Variants in SEC24B observed in about 807,000 individuals in gnomAD.
SEC24B encodes protein transport protein Sec24B.
Under a neutral mutation model 142.8 loss-of-function variants are expected in SEC24B, and 45 were observed. That is an observed-to-expected ratio of 0.32 (90% confidence interval 0.25 to 0.40). The LOEUF (loss-of-function observed/expected upper bound fraction) is 0.40. Ranked by LOEUF, SEC24B falls within the 10% of genes least tolerant of loss-of-function variation. The probability of loss-of-function intolerance (pLI) is 1.00; values close to 1 mark genes in which losing one functional copy is unlikely to be tolerated. For missense variants in SEC24B, 1,409 were observed against 1,526.8 expected (o/e 0.92, Z 1.29); for synonymous variants, 574 against 568.2 (o/e 1.01, Z -0.15).
intron 1 of SEC24B, among the ~76,000 whole-genome samples, chr4:109,436,094 TGAAA>T (rs1728385570): frequency 6.6e-6 from 1 of 152,152 alleles, no homozygotes; most frequent in African/African-American, 2.4e-5. Flanking sequence ...CTAGGAAATT[TGAAA>T]GTTATGGTAA....
intron 6 of SEC24B, among the ~76,000 whole-genome samples, chr4:109,505,847 C>T (rs1275276497): frequency 6.6e-6 from 1 of 152,130 alleles, no homozygotes; most frequent in African/African-American, 2.4e-5. Context: ...GTTTGAACAT[C>T]ATAAGAATAA....
Position 109,481,769 on chromosome 4 carries a change from G to A in SEC24B, c.1153G>A (p.Asp385Asn). The change falls in exon 4 of 24, where the codon GAT (aspartate) becomes AAT (asparagine). Residue 385 changes from aspartate (D) to asparagine (N), a missense_variant. Transcript: ENST00000265175. ...TSDDEEEEEE[D>N]EEAGVDSSST... ...CGATGATGAGGAAGAGGAGGAGGAG[G>A]ATGAGGAAGCAGGTCTGCTTTAGCT... is the stretch of plus-strand genomic sequence containing the variant. 1.2e-6 allele frequency: 2 copies of A among 1,613,514 alleles called. No individual in the cohort carries two copies. Among genetic ancestry groups the A allele is most frequent in the Non-Finnish European group, 1.7e-6 (2 of 1,179,580 alleles).
chr4:109,458,973 C>T (rs1399588219), intron 1 of SEC24B, among the ~76,000 whole-genome samples: 1 of 151,690 alleles, frequency 6.6e-6, no homozygotes, highest in East Asian at 1.9e-4. Context: ...ATTAAAATAC[C>T]AGCAGTCTTT....
At chr4:109,524,106 A>G (rs1211155770) in intron 14 of SEC24B, among the ~76,000 whole-genome samples, 4 of 152,074 alleles carry the variant, frequency 2.6e-5, no homozygotes, top group African/African-American at 9.7e-5. Context: ...TATTTACTGA[A>G]TCCTTTGATA....
intron 6 of SEC24B, among the ~76,000 whole-genome samples, chr4:109,504,475 A>G (rs1348227055): frequency 6.6e-6 from 1 of 151,918 alleles, no homozygotes; most frequent in African/African-American, 2.4e-5. Context: ...AATGTCCCTC[A>G]TTCTGAATTT....
intron 10 of SEC24B, among the ~76,000 whole-genome samples, chr4:109,515,113 A>G (rs543933638): frequency 1.3e-5 from 2 of 151,674 alleles, no homozygotes; most frequent in African/African-American, 4.8e-5. Context: ...TTATTTATTT[A>G]TTTTTGAGAT....
At chr4:109,511,319 A>C (rs562896976) in intron 8 of SEC24B, among the ~76,000 whole-genome samples, 1 of 152,124 alleles carries the variant, frequency 6.6e-6, no homozygotes, top group Non-Finnish European at 1.5e-5. Flanking sequence ...TTACTTGCAT[A>C]ATAATAATCA....
At chr4:109,453,392 C>T (rs928572739) in intron 1 of SEC24B, among the ~76,000 whole-genome samples, 6 of 147,794 alleles carry the variant, frequency 4.1e-5, no homozygotes, top group Non-Finnish European at 3.0e-5. Flanking sequence ...TGTTTCATCC[C>T]TTATCTGCAA....
chr4:109,449,396 CT>C (rs74494967), intron 1 of SEC24B: 24,640 of 297,528 alleles, frequency 0.083, 54 homozygotes, highest in South Asian at 0.11. Flanking sequence ...GCTAATTTTT[CT>C]TTTTTTTTTT....
rs1279336801 is a variant in SEC24B at position 109,540,509 on chromosome 4, TTGG to T, written c.*838_*840del. ...TTGTTTGATTGGTTTTTTGTGGGGA[TTGG>T]TGGGTTTTTTTACATACAGGATGTA... On this transcript the variant is annotated 3_prime_UTR_variant, in exon 24 of 24. Coordinates refer to ENST00000265175, the MANE Select transcript of SEC24B (RefSeq NM_006323.5). 6.6e-6 allele frequency: 1 copy of T among 152,178 alleles called. No homozygotes were observed. Among genetic ancestry groups the T allele is most frequent in the Non-Finnish European group, 1.5e-5 (1 of 68,032 alleles). The allele number at this position is 152,178 out of a possible 1,614,324, so 9.4% of individuals were successfully genotyped here.
At chr4:109,482,710 C>T (rs2125984984) in intron 4 of SEC24B, among the ~76,000 whole-genome samples, 1 of 150,972 alleles carries the variant, frequency 6.6e-6, no homozygotes, top group South Asian at 2.1e-4. Flanking sequence ...ACAATCATGG[C>T]TCCTGCCAAC....
At chr4:109,498,557 G>T (rs150683895) in intron 6 of SEC24B, among the ~76,000 whole-genome samples, 1 of 152,042 alleles carries the variant, frequency 6.6e-6, no homozygotes, top group Non-Finnish European at 1.5e-5. Context: ...GTAGAGACAG[G>T]GTTTCACTGT....
rs1288772987 is a variant in SEC24B at position 109,512,079 on chromosome 4, C to T, written c.1899C>T (p.Asn633=). 6.9e-6 allele frequency: 11 copies of T among 1,603,680 alleles called. No homozygotes were observed. Among genetic ancestry groups the T allele is most frequent in the South Asian group, 5.7e-5 (5 of 87,984 alleles). ...AATGCAATTTGTGCTATAGAGTAAACGATGGTGAGTTTTAGATTCTTAATT... is the reference window on the plus strand; with the variant it reads ...AATGCAATTTGTGCTATAGAGTAAATGATGGTGAGTTTTAGATTCTTAATT... The part of the protein sequence containing the change: ...RWKCNLCYRV[N]DVPEEFMYNP... Residue 633 remains asparagine (N), a synonymous_variant, in exon 9 of 24, where the codon AAC becomes AAT. Coordinates refer to ENST00000265175, the MANE Select transcript of SEC24B (RefSeq NM_006323.5).
chr4:109,471,660 G>A (rs1732538457), intron 2 of SEC24B, among the ~76,000 whole-genome samples: 1 of 152,056 alleles, frequency 6.6e-6, no homozygotes, highest in Admixed American at 6.6e-5. Context: ...TTTGCTGGAG[G>A]TTTGCGGGAC....
chr4:109,493,732 G>C (rs904727680), intron 5 of SEC24B, among the ~76,000 whole-genome samples: 9 of 151,918 alleles, frequency 5.9e-5, no homozygotes, highest in African/African-American at 2.2e-4. Flanking sequence ...GAGTAGCTGG[G>C]ACTACAGGTG....
intron 7 of SEC24B, among the ~76,000 whole-genome samples, chr4:109,508,302 C>T (rs757545645): frequency 5.3e-5 from 8 of 152,134 alleles, no homozygotes; most frequent in African/African-American, 1.7e-4. Context: ...TAGTAGCTCA[C>T]GGCTGTAATT....
chr4:109,537,660 G>GA (rs1260148790), intron 22 of SEC24B, among the ~76,000 whole-genome samples: 7 of 151,480 alleles, frequency 4.6e-5, no homozygotes, highest in Admixed American at 2.6e-4. Context: ...CTCTTAAAAA[G>GA]AAAAAAAGAA....
chr4:109,495,759 C>T (rs1416303257), intron 6 of SEC24B, among the ~76,000 whole-genome samples: 2 of 152,164 alleles, frequency 1.3e-5, no homozygotes, highest in Non-Finnish European at 2.9e-5. Context: ...CCATCTTGAA[C>T]ATGTCTAGCC....
At chr4:109,468,486 T>G (rs1732188891) in intron 2 of SEC24B, among the ~76,000 whole-genome samples, 1 of 152,200 alleles carries the variant, frequency 6.6e-6, no homozygotes, top group Non-Finnish European at 1.5e-5. Flanking sequence ...GTGAGAGGAA[T>G]TAATGAAAGA....
Sources: gnomAD v4.1 joint callset for allele counts (sites outside exome capture counted in the v4.1 genomes callset) on GRCh38, gnomAD v4.1.1 for gene constraint, MANE v1.5 for transcripts, NCBI Gene and HGNC (gene_info 2026-07-23, HGNC 2026-07-21) for gene names.